The following CORO2B variants were observed in gnomAD, a reference collection of about 807,000 sequenced individuals.
CORO2B encodes the protein coronin 2B.
A neutral mutation model predicts 58.8 loss-of-function variants in CORO2B; 26 were observed. The observed-to-expected ratio is 0.44, with a 90% CI of 0.32 to 0.61. The LOEUF is 0.61. Ranked by LOEUF, CORO2B falls within the 20% of genes least tolerant of loss-of-function variation. The pLI, the probability that CORO2B is intolerant of heterozygous loss-of-function variation, is 0.04. For missense variants in CORO2B, 460 were observed against 645.1 expected, an observed-to-expected ratio of 0.71 and a Z score of 3.11; for synonymous variants, 242 against 253.8, an observed-to-expected ratio of 0.95 and a Z score of 0.44.
chr15:68,532,973 C>T, the CORO2B span, among the ~76,000 whole-genome samples: 3 of 152,340 alleles, frequency 2.0e-5, no homozygotes, highest in South Asian at 6.2e-4. Context: ...CATGAAGTTT[C>T]AGCCTCCACA....
chr15:68,606,307 CAA>C (rs974073691), intron 1 of CORO2B, among the ~76,000 whole-genome samples: 7 of 152,120 alleles, frequency 4.6e-5, no homozygotes, highest in Non-Finnish European at 1.0e-4. Context: ...CTTAGCCAAG[CAA>C]GCATATTAGA....
intron 1 of CORO2B, among the ~76,000 whole-genome samples, chr15:68,602,354 G>A (rs1900005246): frequency 1.3e-5 from 2 of 151,692 alleles, no homozygotes; most frequent in African/African-American, 4.8e-5. Flanking sequence ...TTGGGAGACA[G>A]GAAGGGTTTT....
At chr15:68,529,293 GAGTA>G in the CORO2B span, among the ~76,000 whole-genome samples, 1 of 152,102 alleles carries the variant, frequency 6.6e-6, no homozygotes, top group African/African-American at 2.4e-5. Flanking sequence ...ATCAATTTAG[GAGTA>G]AGTAGTCAGA....
At chr15:68,708,357 CTTT>C (rs921103212) in intron 3 of CORO2B, among the ~76,000 whole-genome samples, 1 of 114,958 alleles carries the variant, frequency 8.7e-6, no homozygotes, top group Admixed American at 9.4e-5. Context: ...TTTTTTTCTT[CTTT>C]TTTTTTTTTT....
At chr15:68,702,753 G>T (rs1373419601) in intron 3 of CORO2B, among the ~76,000 whole-genome samples, 1 of 150,894 alleles carries the variant, frequency 6.6e-6, no homozygotes, top group Non-Finnish European at 1.5e-5. Context: ...GCCAATGATT[G>T]TGTACTGTAT....
the CORO2B span, among the ~76,000 whole-genome samples, chr15:68,559,837 C>T: frequency 6.6e-6 from 1 of 152,236 alleles, no homozygotes; most frequent in Admixed American, 6.5e-5. This position sits in a 1 kb window ranked among gnomAD's most constrained non-coding sequence, Gnocchi z 4.3. Flanking sequence ...AGCAGGTCTC[C>T]CGCAAACGCG....
At chr15:68,586,946 A>T (rs114381402) in intron 1 of CORO2B, among the ~76,000 whole-genome samples, 9,870 of 152,026 alleles carry the variant, frequency 0.065, 373 homozygotes, top group Middle Eastern at 0.12. Context: ...TTTCCACCTT[A>T]TATTTTTAGT....
intron 2 of CORO2B, among the ~76,000 whole-genome samples, chr15:68,665,736 T>A (rs1402587070): frequency 1.3e-5 from 2 of 152,132 alleles, no homozygotes; most frequent in African/African-American, 4.8e-5. Flanking sequence ...ATTTGCTAAT[T>A]GATGATTGTA....
At chr15:68,557,956 G>A in the CORO2B span, among the ~76,000 whole-genome samples, 1 of 152,156 alleles carries the variant, frequency 6.6e-6, no homozygotes, top group Admixed American at 6.5e-5. Context: ...GTTAGACTTC[G>A]GAAGGCCACA....
At chr15:68,559,094 T>G in the CORO2B span, among the ~76,000 whole-genome samples, 1 of 151,956 alleles carries the variant, frequency 6.6e-6, no homozygotes, top group East Asian at 2.0e-4. The surrounding 1 kb of genome is among the most constrained non-coding windows in gnomAD (Gnocchi z 4.3). Context: ...TACCTAGAAA[T>G]GCGCGAAGTG....
intron 2 of CORO2B, among the ~76,000 whole-genome samples, chr15:68,681,350 G>C (rs1902775387): frequency 6.6e-6 from 1 of 152,146 alleles, no homozygotes; most frequent in South Asian, 2.1e-4. Context: ...AGAGGAGCAG[G>C]CCTTTCTAAA....
chr15:68,697,541 G>A (rs1240181569), intron 3 of CORO2B, among the ~76,000 whole-genome samples: 1 of 152,184 alleles, frequency 6.6e-6, no homozygotes, highest in Non-Finnish European at 1.5e-5. Context: ...GAAGGGTGGA[G>A]TGCACTTGAC....
chr15:68,695,334 T>TC, intron 3 of CORO2B, 78 bp downstream of exon 3: 2 of 996,122 alleles, frequency 2.0e-6, no homozygotes, highest in South Asian at 2.6e-5. Flanking sequence ...CTTCCTACCC[T>TC]CCCCTCCTCC....
intron 2 of CORO2B, among the ~76,000 whole-genome samples, chr15:68,662,814 T>C (rs1902056683): frequency 6.6e-6 from 1 of 152,240 alleles, no homozygotes; most frequent in Non-Finnish European, 1.5e-5. Context: ...AGTGTGTGTA[T>C]GTTTTGATAA....
rs1176467597 is a variant in CORO2B, at chr15:68,579,129, G to C, written c.-134G>C. ...CTGCCCGCCCGGAGCGCAGCCCCCA[G>C]GCTCGGCCGAGCCGCCGGCGGGGCG... On this transcript the variant is annotated 5_prime_UTR_variant, in exon 1 of 12. Transcript: ENST00000261861. The C allele has an allele frequency of 1.0e-6, 1 of 981,890 alleles. No individual in the cohort carries two copies. The highest frequency in any genetic ancestry group is 1.2e-6 in the Non-Finnish European group (1 of 828,522). The allele number at this position is 981,890 out of a possible 1,614,324, so 60.8% of individuals were successfully genotyped here. A position where few individuals can be genotyped will look rare whatever the true frequency, so the allele number is the denominator to read the frequency against.
At chr15:68,542,198 T>TC in the CORO2B span, among the ~76,000 whole-genome samples, 4 of 152,202 alleles carry the variant, frequency 2.6e-5, no homozygotes, top group Non-Finnish European at 5.9e-5. Context: ...CCAAATTTGA[T>TC]CCTATCATAA....
chr15:68,559,228 C>A, the CORO2B span, among the ~76,000 whole-genome samples: 2 of 152,000 alleles, frequency 1.3e-5, no homozygotes, highest in Non-Finnish European at 2.9e-5. The surrounding 1 kb of genome is among the most constrained non-coding windows in gnomAD (Gnocchi z 4.3). Context: ...GTAGAAATTA[C>A]CCTGGGCTTT....
chr15:68,576,324 G>A (rs1899288030), upstream of CORO2B, among the ~76,000 whole-genome samples: 2 of 152,090 alleles, frequency 1.3e-5, no homozygotes, highest in Admixed American at 6.6e-5. Context: ...GAAGAGGTGA[G>A]CCAGCAGCAC....
upstream of CORO2B, among the ~76,000 whole-genome samples, chr15:68,575,162 T>C (rs921894747): frequency 3.9e-5 from 6 of 152,060 alleles, no homozygotes; most frequent in African/African-American, 7.2e-5. Flanking sequence ...CCCAAAAGCA[T>C]AGCCCTGAAG....
Sources: gnomAD v4.1 joint callset for allele counts (sites outside exome capture counted in the v4.1 genomes callset) on GRCh38, gnomAD v4.1.1 for gene constraint, Gnocchi (gnomAD v3.1) non-coding constraint, MANE v1.5 for transcripts, NCBI Gene and HGNC (gene_info 2026-07-23, HGNC 2026-07-21) for gene names.